DPP10: variants seen among roughly 807,000 people sequenced by gnomAD.
DPP10 encodes the protein inactive dipeptidyl peptidase 10.
DPP10 carries 33 observed loss-of-function variants against 120.9 expected under a neutral mutation model. The ratio of observed to expected loss-of-function variants is 0.27; its 90% confidence interval spans 0.21 to 0.37. The LOEUF is 0.37. Among genes scored for constraint, DPP10 ranks in the 10% least tolerant of loss-of-function variants. The pLI is 1.00. For missense variants in DPP10, 816 were observed against 942.8 expected, an observed-to-expected ratio of 0.87 and a Z score of 1.76; for synonymous variants, 337 against 326.1, an observed-to-expected ratio of 1.03 and a Z score of -0.36.
chr2:114,758,482 G>A (rs555739527), intron 1 of DPP10, among the ~76,000 whole-genome samples: 5 of 152,162 alleles, frequency 3.3e-5, no homozygotes, highest in African/African-American at 7.2e-5. Flanking sequence ...TCCTCATTGC[G>A]TAGCTTCTGA....
At chr2:114,908,751 T>G (rs1011221820) in intron 1 of DPP10, among the ~76,000 whole-genome samples, 8 of 151,926 alleles carry the variant, frequency 5.3e-5, no homozygotes, top group African/African-American at 1.7e-4. Context: ...GAAATAATTA[T>G]ATAATTTATT....
chr2:114,788,174 A>T (rs1248683769), intron 1 of DPP10, among the ~76,000 whole-genome samples: 2 of 152,072 alleles, frequency 1.3e-5, no homozygotes, highest in Admixed American at 1.3e-4. Context: ...AAATTGAACT[A>T]TATAAAAAAT....
At chr2:115,141,146 G>A (rs1256271885) in intron 1 of DPP10, among the ~76,000 whole-genome samples, 2 of 152,118 alleles carry the variant, frequency 1.3e-5, no homozygotes, top group Non-Finnish European at 2.9e-5. Flanking sequence ...AACATTATAG[G>A]GGTAGGGATG....
intron 3 of DPP10, among the ~76,000 whole-genome samples, chr2:115,448,314 G>C (rs2072802868): frequency 6.6e-6 from 1 of 152,098 alleles, no homozygotes; most frequent in African/African-American, 2.4e-5. Flanking sequence ...TCAATAAGAA[G>C]ATAATCAATT....
Position 114,752,792 on chromosome 2 carries a change from G to A in DPP10, c.60+309954G>A, listed in dbSNP as rs80118512. 4.3e-3 allele frequency among the ~76,000 whole-genome samples: 660 copies of A among 152,266 alleles called. 7 individuals are homozygous for A. Among genetic ancestry groups the A allele is most frequent in the African/African-American group, 0.014 (593 of 41,556 alleles). On this transcript the variant is annotated intron_variant, in intron 1 of 25. Transcript: ENST00000410059. ...TGACACCCCTGTTTTACTTGCTTCC[G>A]TTTTCCACCAATTAAGAAATGGCAG...
At chr2:115,740,131 T>G (rs1677073486) in intron 9 of DPP10, among the ~76,000 whole-genome samples, 1 of 152,108 alleles carries the variant, frequency 6.6e-6, no homozygotes, top group South Asian at 2.1e-4. Flanking sequence ...TTCCTTTTGA[T>G]GCTCACTTTT....
chr2:115,070,658 C>T lies in DPP10; in HGVS notation c.61-238581C>T, dbSNP rs13393974. ...CCATATGATTATAGTATATGATGTA[C>T]TATATAGTATATGATTATAGAAAAG... On this transcript the variant is annotated intron_variant, in intron 1 of 25. Transcript: ENST00000410059. Among the ~76,000 whole-genome samples, 161 of 152,172 alleles carry T rather than the reference C, an allele frequency of 1.1e-3. 1 individual carries two copies. The highest frequency in any genetic ancestry group is 3.1e-3 in the African/African-American group (129 of 41,538).
intron 7 of DPP10, among the ~76,000 whole-genome samples, chr2:115,715,296 G>A (rs1248772212): frequency 1.7e-5 from 2 of 116,534 alleles, no homozygotes; most frequent in Non-Finnish European, 3.2e-5. Context: ...CCGAGATCGC[G>A]CCAATGCACT....
At chr2:115,068,754 G>C (rs1015279317) in intron 1 of DPP10, among the ~76,000 whole-genome samples, 14 of 152,254 alleles carry the variant, frequency 9.2e-5, no homozygotes, top group Admixed American at 7.2e-4. Context: ...TAGACAGTGT[G>C]AGATAAGGGT....
chr2:114,444,880 A>G lies in DPP10; in HGVS notation c.60+2042A>G, dbSNP rs79683589. Among the ~76,000 whole-genome samples, 1,323 of 152,264 alleles carry G rather than the reference A, an allele frequency of 8.7e-3. 14 individuals are homozygous for G. The highest frequency in any genetic ancestry group is 0.03 in the African/African-American group (1,255 of 41,562). On this transcript the variant is annotated intron_variant, in intron 1 of 25. Coordinates refer to ENST00000410059, the MANE Select transcript of DPP10 (RefSeq NM_020868.6). The stretch of plus-strand genomic sequence containing the variant: ...TATATATAGTCGCAAGCACTGAACT[A>G]TTAAGGGAGTAATTACTTGAGTATT...
At chr2:115,489,241 TA>T (rs1302839204) in intron 3 of DPP10, among the ~76,000 whole-genome samples, 1 of 151,824 alleles carries the variant, frequency 6.6e-6, no homozygotes, top group Non-Finnish European at 1.5e-5. Context: ...CTGTGTTCTT[TA>T]CAAAAACAGT....
At chr2:114,620,512 A>C (rs747537370) in intron 1 of DPP10, among the ~76,000 whole-genome samples, 1 of 152,074 alleles carries the variant, frequency 6.6e-6, no homozygotes, top group East Asian at 1.9e-4. Context: ...ATATTTAATT[A>C]AAAGTAAAAA....
At chr2:115,651,544 A>G (rs1036023670) in intron 5 of DPP10, among the ~76,000 whole-genome samples, 5 of 152,088 alleles carry the variant, frequency 3.3e-5, no homozygotes, top group African/African-American at 2.4e-5. Context: ...ATGACTAATC[A>G]TTAGGAATGG....
intron 3 of DPP10, among the ~76,000 whole-genome samples, chr2:115,469,884 G>GAAAAATAA (rs2074576405): frequency 1.3e-5 from 1 of 75,558 alleles, no homozygotes; most frequent in Non-Finnish European, 2.8e-5. Context: ...GGCAACAAGA[G>GAAAAATAA]AAAAAAAAAA....
At chr2:115,306,670 G>GTA (rs2061371646) in intron 1 of DPP10, among the ~76,000 whole-genome samples, 1 of 152,138 alleles carries the variant, frequency 6.6e-6, no homozygotes, top group Non-Finnish European at 1.5e-5. Context: ...ATAGGGACTT[G>GTA]TATATGCCTT....
chr2:114,473,320 A>G (rs1680091329), intron 1 of DPP10, among the ~76,000 whole-genome samples: 1 of 152,216 alleles, frequency 6.6e-6, no homozygotes, highest in African/African-American at 2.4e-5. Context: ...CTCTAGTGAT[A>G]AATAATAATG....
At chr2:115,685,832 G>A (rs1283325228) in intron 5 of DPP10, among the ~76,000 whole-genome samples, 3 of 151,944 alleles carry the variant, frequency 2.0e-5, no homozygotes, top group Non-Finnish European at 2.9e-5. Flanking sequence ...ATTCTGGCAG[G>A]ACTAAAATAT....
chr2:115,454,404 T>C (rs923127791), intron 3 of DPP10, among the ~76,000 whole-genome samples: 2 of 151,680 alleles, frequency 1.3e-5, no homozygotes, highest in African/African-American at 4.8e-5. Context: ...GTAGGATATA[T>C]TCCAGACAGT....
chr2:115,494,465 T>C (rs2076288891), intron 3 of DPP10, among the ~76,000 whole-genome samples: 1 of 152,152 alleles, frequency 6.6e-6, no homozygotes, highest in Non-Finnish European at 1.5e-5. Flanking sequence ...GTTAAATATA[T>C]GGATCCTGGG....
Sources: allele counts gnomAD v4.1 joint callset (sites outside exome capture counted in the v4.1 genomes callset), GRCh38; gene constraint gnomAD v4.1.1; transcripts MANE v1.5; gene names NCBI Gene and HGNC (gene_info 2026-07-23, HGNC 2026-07-21).